Variants in TP53BP1 observed in about 807,000 individuals in gnomAD.
TP53BP1 encodes the protein TP53-binding protein 1.
A neutral mutation model predicts 200.8 loss-of-function variants in TP53BP1; 61 were observed. That is an observed-to-expected ratio of 0.30 (90% confidence interval 0.25 to 0.38). TP53BP1 has a LOEUF of 0.38. Ranked by LOEUF, TP53BP1 falls within the 10% of genes least tolerant of loss-of-function variation. The pLI is 1.00. For missense variants in TP53BP1, 2,144 were observed against 2,371.9 expected, an observed-to-expected ratio of 0.90 and a Z score of 2.00; for synonymous variants, 822 against 844.3, an observed-to-expected ratio of 0.97 and a Z score of 0.46.
At chr15:43,450,183 A>G (rs1369005860) in intron 12 of TP53BP1, among the ~76,000 whole-genome samples, 1 of 152,232 alleles carries the variant, frequency 6.6e-6, no homozygotes, top group Non-Finnish European at 1.5e-5. Context: ...TTTTGAAACC[A>G]CCTGAGTGGG....
intron 18 of TP53BP1, among the ~76,000 whole-genome samples, chr15:43,427,464 A>G (rs769356581): frequency 2.4e-4 from 36 of 152,228 alleles, no homozygotes; most frequent in Admixed American, 9.8e-4. Context: ...TCTTTACAGA[A>G]AAGGAAAGCA....
chr15:43,405,160 G>T lies in TP53BP1; in HGVS notation c.*2223C>A. On this transcript the variant is annotated 3_prime_UTR_variant, in exon 28 of 28. Coordinates refer to ENST00000382044, the MANE Select transcript of TP53BP1 (RefSeq NM_001141980.3). ...TCATATTTCTTTGAAGGTAGTCTTG[G>T]GAAAGCATGACACTTAATAAGGCTC... 6.2e-7 allele frequency: 1 copy of T among 1,612,442 alleles called. No individual in the cohort carries two copies. The highest frequency in any genetic ancestry group is 1.1e-5 in the South Asian group (1 of 90,908).
chr15:43,457,667 A>G (rs371141466), intron 11 of TP53BP1, among the ~76,000 whole-genome samples: 2 of 96,984 alleles, frequency 2.1e-5, no homozygotes, highest in African/African-American at 5.9e-5. Context: ...GTGAGACTCC[A>G]TCTCAAAAAA....
chr15:43,483,286 C>T (rs2079000492), intron 4 of TP53BP1, among the ~76,000 whole-genome samples: 1 of 147,066 alleles, frequency 6.8e-6, no homozygotes, highest in African/African-American at 2.6e-5. Flanking sequence ...CAAATGTATA[C>T]TCTTTCATTT....
chr15:43,431,307 CTTCCAAA>C (rs1007020472), intron 17 of TP53BP1, among the ~76,000 whole-genome samples: 1 of 152,056 alleles, frequency 6.6e-6, no homozygotes, highest in Non-Finnish European at 1.5e-5. Flanking sequence ...TTACTAGTAA[CTTCCAAA>C]TTTTCTCTGC....
Position 43,477,644 on chromosome 15 carries a change from G to C in TP53BP1, c.904C>G (p.Pro302Ala). The C allele has an allele frequency of 1.9e-6, 3 of 1,613,800 alleles. No individual in the cohort carries two copies. The highest frequency in any genetic ancestry group is 2.5e-6 in the Non-Finnish European group (3 of 1,179,892). The change falls in exon 8 of 28, where the codon CCT becomes GCT. Residue 302 changes from proline to alanine, a missense_variant. By Grantham distance (27) the Pro-to-Ala change is conservative (BLOSUM62 -1). Around this residue, in one of 4 missense-constraint regions of TP53BP1, gnomAD observed 1,700 missense variants for 1,710.3 expected, o/e 0.99. Transcript: ENST00000382044. ...TCTTCCTGAGTTGACAAAACCTCAG[G>C]CTCTGGTGACTTCTGAATCTGCAGT... ...SGLQIQKSPE[P>A]EVLSTQEDLF...
intron 10 of TP53BP1, among the ~76,000 whole-genome samples, chr15:43,470,568 T>C (rs1265271290): frequency 1.3e-5 from 2 of 152,032 alleles, no homozygotes; most frequent in African/African-American, 4.8e-5. Context: ...CCTGTACAAA[T>C]ACAGATGAAG....
chr15:43,463,604 T>G (rs1465660854), intron 11 of TP53BP1, among the ~76,000 whole-genome samples: 1 of 151,964 alleles, frequency 6.6e-6, no homozygotes, highest in Non-Finnish European at 1.5e-5. Context: ...AGCACAAAAC[T>G]TCAAGAAAAA....
chr15:43,443,046 G>A (rs1192690442), intron 14 of TP53BP1, among the ~76,000 whole-genome samples: 2 of 150,792 alleles, frequency 1.3e-5, no homozygotes, highest in African/African-American at 2.4e-5. Flanking sequence ...GGCTGGTCTC[G>A]AACTCCTGAC....
At chr15:43,416,160 A>G (rs891295490) in intron 22 of TP53BP1, 65 bp downstream of exon 22, 3 of 1,424,574 alleles carry the variant, frequency 2.1e-6, no homozygotes, top group African/African-American at 2.9e-5. Context: ...ACAGGTCCAG[A>G]ATCTCCTCCC....
intron 11 of TP53BP1, among the ~76,000 whole-genome samples, chr15:43,460,936 A>G (rs952249729): frequency 2.0e-5 from 3 of 151,816 alleles, no homozygotes; most frequent in Non-Finnish European, 4.4e-5. Context: ...TGGATGGTTA[A>G]GGCTGCAGTG....
In TP53BP1 at chr15:43,447,426, C is replaced by T; in HGVS notation, c.2776G>A (p.Ala926Thr). Residue 926 changes from alanine to threonine, a missense_variant, in exon 13 of 28, where the codon GCA (alanine) becomes ACA (threonine). Transcript: ENST00000382044. ...EGDIIPPLTGATPPLIGHLKL... is the reference protein window; with the variant it reads ...EGDIIPPLTGTTPPLIGHLKL... ...AGGTGCCCAATAAGAGGTGGGGTTGCACCAGTCAATGGTGGGATGATATCA... is the reference window on the plus strand; with the variant it reads ...AGGTGCCCAATAAGAGGTGGGGTTGTACCAGTCAATGGTGGGATGATATCA... The T allele has an allele frequency of 6.3e-7, 1 of 1,594,406 alleles. No homozygotes were observed. The highest frequency in any genetic ancestry group is 8.5e-7 in the Non-Finnish European group (1 of 1,175,240).
In TP53BP1 at chr15:43,409,639, C is replaced by T; in HGVS notation, c.5400+8G>A. On this transcript the variant is annotated splice_region_variant and intron_variant, in intron 25 of 27. Transcript: ENST00000382044. ...CACTATATTAGGTTACACAAAGAAA[C>T]TCCTCACCTGGGCTTCATTGAAATC... 1 of 1,501,394 alleles carries T rather than the reference C, an allele frequency of 6.7e-7. No homozygotes were observed. 93.0% of individuals were successfully genotyped at this position (1,501,394 alleles called of 1,614,324 possible). A position where few individuals can be genotyped will look rare whatever the true frequency, so the allele number is the denominator to read the frequency against.
At chr15:43,407,764 C>CAAAT in intron 27 of TP53BP1, 179 bp downstream of exon 27, 1 of 783,116 alleles carries the variant, frequency 1.3e-6, no homozygotes, top group Non-Finnish European at 2.0e-6. Flanking sequence ...AAATATTTAA[C>CAAAT]AAATATACGT....
At chr15:43,433,857 A>AG (rs1174417659) in intron 16 of TP53BP1, among the ~76,000 whole-genome samples, 4 of 152,216 alleles carry the variant, frequency 2.6e-5, no homozygotes, top group Non-Finnish European at 5.9e-5. Flanking sequence ...AAAAAGAGTT[A>AG]GGGCTGTCTC....
At chr15:43,474,631 C>T (rs2046811671) in intron 10 of TP53BP1, 42 bp downstream of exon 10, 1 of 1,400,074 alleles carries the variant, frequency 7.1e-7, no homozygotes, top group Non-Finnish European at 1.0e-6. Context: ...AGTGTTGCTC[C>T]TCTTCTAATC....
intron 21 of TP53BP1, 135 bp downstream of exon 21, chr15:43,420,169 AT>A: frequency 2.3e-6 from 2 of 867,770 alleles, no homozygotes; most frequent in Non-Finnish European, 3.6e-6. Flanking sequence ...AGAGTAACCA[AT>A]TTTGTAGGAA....
intron 16 of TP53BP1, among the ~76,000 whole-genome samples, chr15:43,436,634 C>T (rs527392414): frequency 6.6e-6 from 1 of 151,510 alleles, no homozygotes; most frequent in South Asian, 2.1e-4. Flanking sequence ...GCCACCACAT[C>T]CGGCTTTTTT....
At chr15:43,466,698 A>G (rs2046588134) in intron 11 of TP53BP1, among the ~76,000 whole-genome samples, 1 of 152,124 alleles carries the variant, frequency 6.6e-6, no homozygotes, top group Non-Finnish European at 1.5e-5. Context: ...CTCTACAAAA[A>G]AATTTTTAAT....
Sources: allele counts gnomAD v4.1 joint callset (sites outside exome capture counted in the v4.1 genomes callset), GRCh38; gene constraint gnomAD v4.1.1; regional missense constraint gnomAD v4.1.1; transcripts MANE v1.5; gene names NCBI Gene and HGNC (gene_info 2026-07-23, HGNC 2026-07-21).